Variants in GRM7 observed in about 807,000 individuals in gnomAD.
GRM7 encodes metabotropic glutamate receptor 7.
GRM7 carries 35 observed loss-of-function variants against 84.5 expected under a neutral mutation model. The ratio of observed to expected loss-of-function variants is 0.41; its 90% CI spans 0.32 to 0.55. The LOEUF (loss-of-function observed/expected upper bound fraction) is 0.55, where lower values mean the gene tolerates loss of function less well. GRM7 is among the 20% of genes least tolerant of loss of function. The pLI is 0.19. For missense variants in GRM7, 1,003 were observed against 1,194.6 expected, an observed-to-expected ratio of 0.84 and a Z score of 2.36; for synonymous variants, 487 against 455.1, an observed-to-expected ratio of 1.07 and a Z score of -0.89.
At chr3:6,940,368 G>T (rs1697846956) in intron 1 of GRM7, among the ~76,000 whole-genome samples, 1 of 152,176 alleles carries the variant, frequency 6.6e-6, no homozygotes, top group Non-Finnish European at 1.5e-5. Flanking sequence ...GGGATTACAG[G>T]AGTGAACCAC....
At chr3:6,996,835 CA>C (rs2124867964) in intron 1 of GRM7, among the ~76,000 whole-genome samples, 1 of 152,272 alleles carries the variant, frequency 6.6e-6, no homozygotes, top group African/African-American at 2.4e-5. Context: ...TCACCAGAAT[CA>C]AAATCCCTGA....
intron 2 of GRM7, among the ~76,000 whole-genome samples, chr3:7,166,693 A>G (rs1161319947): frequency 6.6e-6 from 1 of 152,190 alleles, no homozygotes; most frequent in Admixed American, 6.5e-5. Flanking sequence ...ATTCCAGGGC[A>G]GCTGCTTATT....
chr3:7,194,853 G>T (rs1180027306), intron 2 of GRM7, among the ~76,000 whole-genome samples: 6 of 152,100 alleles, frequency 3.9e-5, no homozygotes, highest in Non-Finnish European at 8.8e-5. Flanking sequence ...TTCTTTTCTT[G>T]ATTACAGTCA....
Position 6,868,539 on chromosome 3 carries a change from C to G in GRM7, c.519+6632C>G, listed in dbSNP as rs571730229. On this transcript the variant is annotated intron_variant, in intron 1 of 9. Transcript: ENST00000357716. ...ATGCAGGAAATAAATATACAGTAGA[C>G]TTTTCATTCAAATAAATGAGAAAAG... Among the ~76,000 whole-genome samples, 3 of 152,236 alleles carry G rather than the reference C, an allele frequency of 2.0e-5. No individual in the cohort carries two copies. In the East Asian group the frequency reaches 5.8e-4, roughly 29 times the overall value.
At chr3:7,704,348 G>C (rs777633732) in intron 9 of GRM7, among the ~76,000 whole-genome samples, 14 of 152,028 alleles carry the variant, frequency 9.2e-5, no homozygotes. Flanking sequence ...AAAAATTCCT[G>C]GTCAAGACTT....
intron 9 of GRM7, among the ~76,000 whole-genome samples, chr3:7,738,009 G>T (rs1393559358): frequency 1.3e-5 from 2 of 151,946 alleles, no homozygotes; most frequent in Non-Finnish European, 2.9e-5. Context: ...CACCACGCCT[G>T]GCTAATTTTA....
chr3:7,431,157 C>G (rs2124848776), intron 5 of GRM7, among the ~76,000 whole-genome samples: 1 of 152,218 alleles, frequency 6.6e-6, no homozygotes, highest in Middle Eastern at 3.4e-3. Context: ...GGAAATCACC[C>G]AGATGTGCAT....
At chr3:7,003,857 G>A (rs1216504298) in intron 1 of GRM7, among the ~76,000 whole-genome samples, 1 of 152,054 alleles carries the variant, frequency 6.6e-6, no homozygotes, top group Non-Finnish European at 1.5e-5. Flanking sequence ...AGCTAACTTG[G>A]GGTATCTCAT....
chr3:7,466,153 C>T (rs1314561671), intron 7 of GRM7, among the ~76,000 whole-genome samples: 1 of 152,124 alleles, frequency 6.6e-6, no homozygotes, highest in Non-Finnish European at 1.5e-5. Flanking sequence ...GACAATGCAA[C>T]AAACATGATT....
chr3:7,516,340 G>A (rs1456652428), intron 7 of GRM7, among the ~76,000 whole-genome samples: 2 of 149,818 alleles, frequency 1.3e-5, no homozygotes, highest in African/African-American at 5.0e-5. Flanking sequence ...AGCCAGGCGT[G>A]GTGGTGTGCG....
chr3:7,111,386 C>T (rs1692846188), intron 1 of GRM7, among the ~76,000 whole-genome samples: 1 of 152,036 alleles, frequency 6.6e-6, no homozygotes, highest in African/African-American at 2.4e-5. Flanking sequence ...TTTGTGAGGG[C>T]CTGGTACTAG....
intron 4 of GRM7, among the ~76,000 whole-genome samples, chr3:7,338,490 T>C (rs1701511979): frequency 6.6e-6 from 1 of 151,880 alleles, no homozygotes; most frequent in African/African-American, 2.4e-5. Context: ...CAGAAGCTAT[T>C]GAAATAAAAA....
intron 1 of GRM7, among the ~76,000 whole-genome samples, chr3:6,889,126 T>C (rs1248663164): frequency 1.3e-5 from 2 of 152,312 alleles, no homozygotes; most frequent in Admixed American, 1.3e-4. Flanking sequence ...TTAAGGAGAT[T>C]TTGGGCTGAG....
intron 9 of GRM7, among the ~76,000 whole-genome samples, chr3:7,691,696 T>A (rs1350681448): frequency 1.3e-5 from 2 of 152,200 alleles, no homozygotes. Flanking sequence ...AGGCTCGCCC[T>A]GTCACCCAGC....
chr3:7,410,088 G>A (rs1695860709), intron 4 of GRM7, among the ~76,000 whole-genome samples: 1 of 152,152 alleles, frequency 6.6e-6, no homozygotes, highest in Non-Finnish European at 1.5e-5. Context: ...GAGAAATGTA[G>A]CCTAGGTTAA....
At chr3:7,087,543 A>G (rs1698502934) in intron 1 of GRM7, among the ~76,000 whole-genome samples, 1 of 152,162 alleles carries the variant, frequency 6.6e-6, no homozygotes, top group Non-Finnish European at 1.5e-5. Context: ...AGGAAAAGAA[A>G]GACATAGACT....
intron 1 of GRM7, among the ~76,000 whole-genome samples, chr3:6,922,546 C>A (rs1697162749): frequency 1.3e-5 from 2 of 152,148 alleles, no homozygotes; most frequent in African/African-American, 4.8e-5. Flanking sequence ...TTTATCACTT[C>A]TTTTACTCTT....
chr3:6,937,643 A>T (rs1228437534), intron 1 of GRM7, among the ~76,000 whole-genome samples: 1 of 152,192 alleles, frequency 6.6e-6, no homozygotes, highest in African/African-American at 2.4e-5. Context: ...TGGTCATCTT[A>T]ATTCAACATT....
At chr3:6,973,323 T>C (rs1450308692) in intron 1 of GRM7, among the ~76,000 whole-genome samples, 4 of 152,138 alleles carry the variant, frequency 2.6e-5, no homozygotes, top group East Asian at 3.9e-4. Context: ...CTATGTACCA[T>C]GTTCCTTCTT....
Sources: allele counts gnomAD v4.1 joint callset (sites outside exome capture counted in the v4.1 genomes callset), GRCh38; gene constraint gnomAD v4.1.1; transcripts MANE v1.5; gene names NCBI Gene and HGNC (gene_info 2026-07-23, HGNC 2026-07-21).